PRRC2B: variants seen among roughly 807,000 people sequenced by gnomAD.
PRRC2B encodes the protein protein PRRC2B.
A neutral mutation model predicts 242.3 loss-of-function variants in PRRC2B; 68 were observed. That is an observed-to-expected ratio of 0.28 (90% CI 0.23 to 0.34). PRRC2B has a LOEUF of 0.34. Among genes scored for constraint, PRRC2B ranks in the 10% least tolerant of loss-of-function variants. PRRC2B has a pLI of 1.00. For missense variants in PRRC2B, 2,835 were observed against 2,954.8 expected (o/e 0.96, Z 0.94); for synonymous variants, 1,228 against 1,173.6 (o/e 1.05, Z -0.95).
chr9:131,484,002 G>A (rs1427459006), intron 23 of PRRC2B, among the ~76,000 whole-genome samples: 2 of 152,214 alleles, frequency 1.3e-5, no homozygotes, highest in African/African-American at 2.4e-5. Context: ...CATTTGGGCA[G>A]CGTTTCCCAG....
Position 131,473,694 on chromosome 9 carries a change from G to A in PRRC2B, c.2294G>A (p.Ser765Asn), listed in dbSNP as rs994280106. The change falls in exon 15 of 32, where the codon AGT becomes AAT. Residue 765 changes from serine (S) to asparagine (N), a missense_variant. Ser to Asn is a conservative substitution (Grantham distance 46, BLOSUM62 1). Transcript: ENST00000683519. ...KGYPLPHPKSSDTLAMDMRVR... is the reference protein window; with the variant it reads ...KGYPLPHPKSNDTLAMDMRVR... ...TACCCGCTCCCGCACCCGAAGTCGA[G>A]TGACACCTTGGCTATGGACATGCGT... The A allele has an allele frequency of 1.2e-6, 2 of 1,613,512 alleles. No individual in the cohort carries two copies. The highest frequency in any genetic ancestry group is 2.7e-5 in the African/African-American group (2 of 74,906).
chr9:131,445,677 G>C (rs574385992), intron 6 of PRRC2B, among the ~76,000 whole-genome samples: 1 of 152,270 alleles, frequency 6.6e-6, no homozygotes, highest in East Asian at 1.9e-4. Flanking sequence ...GACATGTCCT[G>C]GGTCTCTTTC....
Position 131,447,700 on chromosome 9 carries a change from C to T in PRRC2B, c.1016C>T (p.Pro339Leu). ...NRLGLSRPLRPLRQLVERAPR... is the reference protein window; with the variant it reads ...NRLGLSRPLRLLRQLVERAPR... ...CTGGGATTGTCTCGCCCACTCCGCC[C>T]ACTAAGGCAGCTGGTGGAGCGGGCA... Residue 339 changes from proline (P) to leucine (L), a missense_variant, in exon 9 of 32, where the codon CCA becomes CTA. Around this residue, in one of 7 missense-constraint regions of PRRC2B, gnomAD observed 626 missense variants for 685.5 expected, o/e 0.91. Coordinates refer to ENST00000683519, the MANE Select transcript of PRRC2B (RefSeq NM_013318.4). The T allele has an allele frequency of 6.2e-7, 1 of 1,612,656 alleles. No homozygotes were observed. Among genetic ancestry groups the T allele is most frequent in the Non-Finnish European group, 8.5e-7 (1 of 1,179,236 alleles).
chr9:131,377,008 T>C (rs1836693957), intron 1 of PRRC2B, among the ~76,000 whole-genome samples: 2 of 152,152 alleles, frequency 1.3e-5, no homozygotes, highest in African/African-American at 4.8e-5. Context: ...CCCGGTCCGT[T>C]GAAAAAATAA....
chr9:131,420,397 C>T (rs1252542993), intron 1 of PRRC2B, among the ~76,000 whole-genome samples: 2 of 151,420 alleles, frequency 1.3e-5, no homozygotes, highest in Non-Finnish European at 2.9e-5. Context: ...GAAATGTGGG[C>T]GCTTTAGGGC....
At chr9:131,483,733 G>T (rs1227940162) in intron 23 of PRRC2B, among the ~76,000 whole-genome samples, 4 of 152,200 alleles carry the variant, frequency 2.6e-5, no homozygotes, top group Non-Finnish European at 4.4e-5. Flanking sequence ...GTGGCCAGGG[G>T]TAAGGGGCAC....
chr9:131,402,624 T>TGA (rs1419966949), intron 1 of PRRC2B, among the ~76,000 whole-genome samples: 1 of 152,108 alleles, frequency 6.6e-6, no homozygotes, highest in African/African-American at 2.4e-5. Context: ...GCCAGGTGTC[T>TGA]GAGAAGGGGG....
intron 25 of PRRC2B, 130 bp from the exon 26 acceptor site, chr9:131,485,955 T>C: frequency 1.4e-6 from 1 of 726,298 alleles, no homozygotes; most frequent in South Asian, 1.5e-5. Flanking sequence ...CCTAGCAGCC[T>C]CTGTACACAC....
chr9:131,425,248 A>G (rs754254006), intron 1 of PRRC2B, among the ~76,000 whole-genome samples: 4 of 152,048 alleles, frequency 2.6e-5, no homozygotes, highest in Non-Finnish European at 5.9e-5. Context: ...GGCCTCCCAA[A>G]GTGCTGGGAT....
chr9:131,486,323 C>A, intron 26 of PRRC2B, 141 bp downstream of exon 26: 1 of 840,032 alleles, frequency 1.2e-6, no homozygotes. Flanking sequence ...CCTGGCCCGC[C>A]ACGGCAGCCA....
intron 10 of PRRC2B, among the ~76,000 whole-genome samples, chr9:131,457,127 A>G (rs1051703526): frequency 6.6e-6 from 1 of 152,258 alleles, no homozygotes; most frequent in Non-Finnish European, 1.5e-5. Flanking sequence ...AAGAGTTGGT[A>G]ATAATCTTTG....
intron 31 of PRRC2B, 27 bp from the exon 32 acceptor site, chr9:131,495,713 T>A (rs752703003): frequency 5.7e-6 from 9 of 1,589,944 alleles, no homozygotes; most frequent in Non-Finnish European, 7.8e-6. Context: ...CAGGGTCACT[T>A]TGTTTTTCCC....
At chr9:131,402,963 A>G (rs186791630) in intron 1 of PRRC2B, among the ~76,000 whole-genome samples, 1 of 152,182 alleles carries the variant, frequency 6.6e-6, no homozygotes, top group South Asian at 2.1e-4. Context: ...ACTTCCCGAC[A>G]CGCTTCAGGA....
chr9:131,396,557 T>C (rs531312322), intron 1 of PRRC2B, among the ~76,000 whole-genome samples: 1 of 152,168 alleles, frequency 6.6e-6, no homozygotes. Context: ...GACATCCGAC[T>C]TCAGGTGATT....
At position 131,494,395 on chromosome 9, in the gene PRRC2B, G is replaced by GT. The variant is rs78276640; in HGVS notation, c.6474-4dup. The GT allele has an allele frequency of 3.9e-6, 6 of 1,556,402 alleles. No homozygotes were observed. The highest frequency in any genetic ancestry group is 5.3e-6 in the Non-Finnish European group (6 of 1,139,758). ...TGTGTATTCTCAACCCCTGCCTTTGGTTTTTTCAGGCCTAGCTCTGCTAGC... is the reference window on the plus strand; with the variant it reads ...TGTGTATTCTCAACCCCTGCCTTTGGTTTTTTTCAGGCCTAGCTCTGCTAGC... On this transcript the variant is annotated splice_polypyrimidine_tract_variant and intron_variant, in intron 30 of 31. Coordinates refer to ENST00000683519, the MANE Select transcript of PRRC2B (RefSeq NM_013318.4). The surrounding 1 kb of genome is among the most constrained non-coding windows in gnomAD (Gnocchi z 4.3).
chr9:131,424,664 C>G (rs184433300), intron 1 of PRRC2B, among the ~76,000 whole-genome samples: 5 of 151,882 alleles, frequency 3.3e-5, no homozygotes, highest in Admixed American at 2.6e-4. Flanking sequence ...CCAGCCCGGG[C>G]GACAGTGTGA....
intron 1 of PRRC2B, among the ~76,000 whole-genome samples, chr9:131,425,503 T>G (rs189067050): frequency 1.3e-3 from 201 of 151,872 alleles, no homozygotes; most frequent in Non-Finnish European, 2.2e-3. Flanking sequence ...TGTTGTTGTT[T>G]TTTGAGATGG....
intron 3 of PRRC2B, among the ~76,000 whole-genome samples, 172 bp downstream of exon 3, chr9:131,432,966 T>G (rs1156342550): frequency 6.6e-6 from 1 of 152,204 alleles, no homozygotes; most frequent in East Asian, 1.9e-4. Context: ...CTGGCCCTGG[T>G]GCTTCGTATG....
At chr9:131,433,615 T>A (rs553508994) in intron 3 of PRRC2B, among the ~76,000 whole-genome samples, 1 of 152,246 alleles carries the variant, frequency 6.6e-6, no homozygotes, top group African/African-American at 2.4e-5. Flanking sequence ...AGAAATCTGC[T>A]GCTGGGGTTT....
Sources: allele counts gnomAD v4.1 joint callset (sites outside exome capture counted in the v4.1 genomes callset), GRCh38; gene constraint gnomAD v4.1.1; regional missense constraint gnomAD v4.1.1; non-coding constraint Gnocchi (gnomAD v3.1); transcripts MANE v1.5; gene names NCBI Gene and HGNC (gene_info 2026-07-23, HGNC 2026-07-21).